SPON1: variants seen among roughly 807,000 people sequenced by gnomAD.
The protein encoded by SPON1 is spondin-1.
SPON1 carries 52 observed loss-of-function variants against 111.7 expected under a neutral mutation model. The observed-to-expected ratio is 0.47, with a 90% CI of 0.37 to 0.59. The LOEUF is 0.59. SPON1 is among the 20% of genes least tolerant of loss of function. The pLI is 0.00. For missense variants in SPON1, 957 were observed against 1,068.5 expected (o/e 0.90, Z 1.46); for synonymous variants, 410 against 395.8 (o/e 1.04, Z -0.43).
At chr11:14,146,682 A>G (rs1038142453) in intron 6 of SPON1, among the ~76,000 whole-genome samples, 1 of 152,200 alleles carries the variant, frequency 6.6e-6, no homozygotes, top group African/African-American at 2.4e-5. Context: ...TGAAGGGAAG[A>G]CTGGCTAAAC....
chr11:14,023,891 A>G (rs754113047), intron 2 of SPON1, among the ~76,000 whole-genome samples: 17 of 152,000 alleles, frequency 1.1e-4, no homozygotes, highest in Non-Finnish European at 2.9e-5. Context: ...AATCCCAGCT[A>G]CTTGGGAGGC....
chr11:14,162,295 G>A (rs1554931474), intron 6 of SPON1, among the ~76,000 whole-genome samples: 1 of 152,186 alleles, frequency 6.6e-6, no homozygotes, highest in Non-Finnish European at 1.5e-5. Context: ...GGAATGTCTA[G>A]TTTGGTAGAT....
At chr11:14,113,712 C>T (rs372950396) in intron 5 of SPON1, among the ~76,000 whole-genome samples, 2,903 of 150,364 alleles carry the variant, frequency 0.019, 70 homozygotes, top group African/African-American at 0.067. Flanking sequence ...ACGCCATTCT[C>T]CTGCCTCAGC....
chr11:14,182,705 C>T (rs1288797814), intron 6 of SPON1, among the ~76,000 whole-genome samples: 4 of 152,184 alleles, frequency 2.6e-5, no homozygotes, highest in Non-Finnish European at 4.4e-5. Flanking sequence ...TCTTATTTGA[C>T]GGTCCATAAA....
intron 5 of SPON1, among the ~76,000 whole-genome samples, chr11:14,099,376 T>C (rs1849126408): frequency 1.3e-5 from 2 of 152,150 alleles, no homozygotes; most frequent in African/African-American, 2.4e-5. Context: ...TTCTTTTGGG[T>C]TGTCCTTTTG....
chr11:14,238,920 G>C (rs1284994526), intron 6 of SPON1, among the ~76,000 whole-genome samples: 5 of 152,290 alleles, frequency 3.3e-5, no homozygotes, highest in Middle Eastern at 3.4e-3. Context: ...GTTTGAAAAG[G>C]GTCCTGTGGG....
At chr11:13,998,234 C>T (rs1366784338) in intron 2 of SPON1, among the ~76,000 whole-genome samples, 1 of 152,144 alleles carries the variant, frequency 6.6e-6, no homozygotes, top group Non-Finnish European at 1.5e-5. Context: ...GGCACAGAGC[C>T]AGTAAGTGGC....
intron 3 of SPON1, among the ~76,000 whole-genome samples, chr11:14,071,561 C>T (rs1325498292): frequency 1.3e-5 from 2 of 152,150 alleles, no homozygotes; most frequent in African/African-American, 2.4e-5. Context: ...TCTCTCCTGT[C>T]CCCAAACCCT....
At chr11:14,104,375 A>G (rs1438569105) in intron 5 of SPON1, among the ~76,000 whole-genome samples, 1 of 151,666 alleles carries the variant, frequency 6.6e-6, no homozygotes, top group Non-Finnish European at 1.5e-5. Flanking sequence ...TTATATACAC[A>G]ATTAATTTGT....
At chr11:14,173,631 C>T (rs905346560) in intron 6 of SPON1, among the ~76,000 whole-genome samples, 2 of 152,096 alleles carry the variant, frequency 1.3e-5, no homozygotes, top group African/African-American at 2.4e-5. Flanking sequence ...GTTTTATCTA[C>T]CTTTTGTCTT....
At chr11:14,054,773 C>G (rs1848732363) in intron 3 of SPON1, among the ~76,000 whole-genome samples, 1 of 152,168 alleles carries the variant, frequency 6.6e-6, no homozygotes. Context: ...AATCAGGAAA[C>G]CAGCGAGAGC....
Position 14,113,808 on chromosome 11 carries a change from G to A in SPON1, c.677-21612G>A, listed in dbSNP as rs1849246356. Among the ~76,000 whole-genome samples, 5 of 151,674 alleles carry A rather than the reference G, an allele frequency of 3.3e-5. No individual in the cohort carries two copies. In the South Asian group the frequency reaches 1.0e-3, roughly 32 times the overall value. On this transcript the variant is annotated intron_variant, in intron 5 of 15. Transcript: ENST00000576479. Reference sequence around the variant, plus strand: ...TTTAGTAGAGACGGGGTTTCACTGTGTTAGCCAGGATGGTCTCGATCTCCT... The same window carrying A: ...TTTAGTAGAGACGGGGTTTCACTGTATTAGCCAGGATGGTCTCGATCTCCT...
chr11:14,152,776 A>G (rs1554930026), intron 6 of SPON1, among the ~76,000 whole-genome samples: 1 of 152,236 alleles, frequency 6.6e-6, no homozygotes, highest in African/African-American at 2.4e-5. Context: ...TCAAGAATCA[A>G]TGCAAATATA....
intron 5 of SPON1, among the ~76,000 whole-genome samples, chr11:14,101,888 G>A (rs1997310): frequency 0.054 from 8,255 of 152,152 alleles, 253 homozygotes; most frequent in Non-Finnish European, 0.069. Flanking sequence ...TATAAAAGTT[G>A]CAAGAATAGC....
chr11:14,170,450 A>G (rs1434190524), intron 6 of SPON1, among the ~76,000 whole-genome samples: 4 of 152,162 alleles, frequency 2.6e-5, no homozygotes, highest in African/African-American at 9.7e-5. Flanking sequence ...AACAGGGACA[A>G]TTTGACTTCC....
At chr11:14,076,574 T>C (rs2133830493) in intron 4 of SPON1, among the ~76,000 whole-genome samples, 1 of 152,340 alleles carries the variant, frequency 6.6e-6, no homozygotes, top group South Asian at 2.1e-4. Context: ...TAAATAGCTT[T>C]CTTAGCATCA....
intron 6 of SPON1, among the ~76,000 whole-genome samples, chr11:14,139,994 A>C (rs1847635077): frequency 6.6e-6 from 1 of 152,218 alleles, no homozygotes; most frequent in Non-Finnish European, 1.5e-5. Flanking sequence ...GCACAAAAGG[A>C]GGCTGGAGAG....
intron 6 of SPON1, among the ~76,000 whole-genome samples, chr11:14,195,531 A>G (rs1848391034): frequency 1.3e-5 from 2 of 152,228 alleles, no homozygotes; most frequent in African/African-American, 4.8e-5. Flanking sequence ...GCCCATGAGC[A>G]TAATACTTGA....
At chr11:14,087,676 G>T (rs782617035) in intron 5 of SPON1, among the ~76,000 whole-genome samples, 14 of 152,326 alleles carry the variant, frequency 9.2e-5, no homozygotes, top group Non-Finnish European at 1.6e-4. Context: ...GTCCAGAGCT[G>T]AATTAAAGTC....
Sources: gnomAD v4.1 joint callset for allele counts (sites outside exome capture counted in the v4.1 genomes callset) on GRCh38, gnomAD v4.1.1 for gene constraint, MANE v1.5 for transcripts, NCBI Gene and HGNC (gene_info 2026-07-23, HGNC 2026-07-21) for gene names.